The following LIN9 variants were observed in gnomAD, a reference collection of about 807,000 sequenced individuals.
The protein encoded by LIN9 is lin-9 DREAM MuvB core complex component, also known as protein lin-9 homolog.
Under a neutral mutation model 78.0 loss-of-function variants are expected in LIN9, and 18 were observed. The observed-to-expected ratio is 0.23, with a 90% CI of 0.16 to 0.34. LIN9 has a LOEUF of 0.34. Ranked by LOEUF, LIN9 falls within the 10% of genes least tolerant of loss-of-function variation. The pLI, the probability that LIN9 is intolerant of heterozygous loss-of-function variation, is 1.00. For missense variants in LIN9, 451 were observed against 644.1 expected, an observed-to-expected ratio of 0.70 and a Z score of 3.25; for synonymous variants, 192 against 215.2, an observed-to-expected ratio of 0.89 and a Z score of 0.94.
In LIN9 at chr1:226,289,846, TG is replaced by T. The variant is rs1553283370; in HGVS notation, c.265-2050del. On this transcript the variant is annotated intron_variant, in intron 4 of 14. Coordinates refer to ENST00000681046, the MANE Select transcript of LIN9 (RefSeq NM_001366245.2). Reference sequence around the variant, plus strand: ...CTAAGTAGTCCTCCGGGGGGGGGGGTGGGGGGGGGTGGGAAAGCTAGGTTGC... The same window carrying T: ...CTAAGTAGTCCTCCGGGGGGGGGGGTGGGGGGGGTGGGAAAGCTAGGTTGC... Among the ~76,000 whole-genome samples the T allele has an allele frequency of 9.6e-3, 156 of 16,312 alleles. 4 individuals carry two copies. The highest frequency in any genetic ancestry group is 0.029 in the African/African-American group (127 of 4,366). 10.7% of individuals were successfully genotyped at this position (16,312 alleles called of 152,430 possible).
chr1:226,256,317 C>G (rs887825975), intron 10 of LIN9, among the ~76,000 whole-genome samples: 1 of 152,022 alleles, frequency 6.6e-6, no homozygotes, highest in East Asian at 1.9e-4. Flanking sequence ...AGAAACCAGG[C>G]AAGCAAGAGG....
At chr1:226,232,893 T>C in intron 14 of LIN9, 1 of 498,418 alleles carries the variant, frequency 2.0e-6, no homozygotes, top group Non-Finnish European at 3.5e-6. Flanking sequence ...AACCTAAATA[T>C]ATGTCCTGAT....
rs933585875 is a variant in LIN9, at chr1:226,271,973, T to A, written c.683-3883A>T. Among the ~76,000 whole-genome samples the A allele has an allele frequency of 7.1e-4, 108 of 152,248 alleles. 1 individual carries two copies. The highest frequency in any genetic ancestry group is 2.5e-3 in the African/African-American group (104 of 41,536). ...CTTTTTGCTTTCAACCTGTCTATGA[T>A]TTTATATTTAAGTATAACTCTTGAA... On this transcript the variant is annotated intron_variant, in intron 7 of 14. Transcript: ENST00000681046.
At chr1:226,244,402 A>G (rs1272480080) in intron 11 of LIN9, among the ~76,000 whole-genome samples, 1 of 152,110 alleles carries the variant, frequency 6.6e-6, no homozygotes, top group Non-Finnish European at 1.5e-5. Context: ...TCTCCACTCC[A>G]GCCTGGGTGA....
intron 2 of LIN9, among the ~76,000 whole-genome samples, chr1:226,298,849 A>C (rs1662328721): frequency 6.6e-6 from 1 of 152,130 alleles, no homozygotes; most frequent in Non-Finnish European, 1.5e-5. Flanking sequence ...CCGAGATAGC[A>C]CCACTGCACT....
At chr1:226,241,845 G>A (rs571053960) in intron 11 of LIN9, among the ~76,000 whole-genome samples, 2 of 150,960 alleles carry the variant, frequency 1.3e-5, no homozygotes, top group African/African-American at 2.4e-5. Flanking sequence ...GCGACAGAGC[G>A]AGACTCTGTT....
intron 5 of LIN9, 65 bp downstream of exon 5, chr1:226,287,599 A>T: frequency 8.6e-7 from 1 of 1,162,708 alleles, no homozygotes; most frequent in Non-Finnish European, 1.2e-6. Flanking sequence ...GTTGTAGCTT[A>T]AAACACTTGA....
intron 10 of LIN9, among the ~76,000 whole-genome samples, chr1:226,253,926 AAAAG>A (rs1253479989): frequency 1.3e-5 from 2 of 152,168 alleles, no homozygotes; most frequent in African/African-American, 4.8e-5. Context: ...AAAAAGAAAA[AAAAG>A]AAAGAAAGAA....
chr1:226,296,312 A>AT (rs1438577882), intron 3 of LIN9, among the ~76,000 whole-genome samples: 1 of 152,190 alleles, frequency 6.6e-6, no homozygotes, highest in Non-Finnish European at 1.5e-5. Context: ...GTGTGACATG[A>AT]TATGTCTGCT....
In LIN9 at chr1:226,268,081, C is replaced by T. The variant is rs754074436; in HGVS notation, c.692G>A (p.Arg231His). 5 of 1,613,258 alleles carry T rather than the reference C, an allele frequency of 3.1e-6. No homozygotes were observed. Among genetic ancestry groups the T allele is most frequent in the Admixed American group, 1.7e-5 (1 of 59,820 alleles). Reference sequence around the variant, plus strand: ...AGTGAACAAACCATCATGAACACCACGTAATCGTGCTGAGAAAAGAACAAA... The same window carrying T: ...AGTGAACAAACCATCATGAACACCATGTAATCGTGCTGAGAAAAGAACAAA... ...VIGTKVTARL[R>H]GVHDGLFTGQ... Residue 231 changes from arginine to histidine, a missense_variant, in exon 8 of 15, where the codon CGT becomes CAT. Transcript: ENST00000681046.
chr1:226,262,512 GA>G (rs1190568047), intron 10 of LIN9, among the ~76,000 whole-genome samples: 1 of 152,174 alleles, frequency 6.6e-6, no homozygotes, highest in African/African-American at 2.4e-5. Context: ...ACAGATGGCA[GA>G]TAAGCATATG....
chr1:226,302,560 A>AC (rs1209422460), intron 1 of LIN9, among the ~76,000 whole-genome samples: 1 of 152,014 alleles, frequency 6.6e-6, no homozygotes, highest in African/African-American at 2.4e-5. Flanking sequence ...AAAAAAAAAA[A>AC]AAACAAACCA....
chr1:226,288,335 G>A (rs1460541633), intron 4 of LIN9, among the ~76,000 whole-genome samples: 8 of 152,052 alleles, frequency 5.3e-5, no homozygotes, highest in Non-Finnish European at 7.3e-5. Context: ...AACCAGTATC[G>A]TAATATTAAA....
chr1:226,272,803 C>G (rs906381809), intron 7 of LIN9, among the ~76,000 whole-genome samples: 1 of 152,010 alleles, frequency 6.6e-6, no homozygotes, highest in Non-Finnish European at 1.5e-5. Context: ...CTTTTTGACC[C>G]CCACATTCTC....
At chr1:226,285,163 A>G (rs1483760361) in intron 6 of LIN9, among the ~76,000 whole-genome samples, 2 of 152,186 alleles carry the variant, frequency 1.3e-5, no homozygotes, top group African/African-American at 4.8e-5. Context: ...AACTATGACA[A>G]AACAGTAAAT....
chr1:226,239,900 G>A (rs1274222326), intron 11 of LIN9, among the ~76,000 whole-genome samples: 1 of 152,106 alleles, frequency 6.6e-6, no homozygotes, highest in Non-Finnish European at 1.5e-5. Context: ...TCTAGTCAAG[G>A]AAAATTTAAC....
At chr1:226,240,440 G>A (rs1177225951) in intron 11 of LIN9, among the ~76,000 whole-genome samples, 1 of 149,374 alleles carries the variant, frequency 6.7e-6, no homozygotes, top group African/African-American at 2.5e-5. Flanking sequence ...CCAGGCTGGA[G>A]TGCAATGACG....
At chr1:226,275,820 A>G (rs986198570) in intron 7 of LIN9, among the ~76,000 whole-genome samples, 2 of 152,096 alleles carry the variant, frequency 1.3e-5, no homozygotes, top group African/African-American at 4.8e-5. Context: ...TGGGAGTTTG[A>G]GACCAACCAG....
At chr1:226,239,555 T>C (rs1030406201) in intron 11 of LIN9, among the ~76,000 whole-genome samples, 20 of 152,326 alleles carry the variant, frequency 1.3e-4, no homozygotes, top group African/African-American at 4.8e-4. Flanking sequence ...TATGTTCAAA[T>C]TCCACCTCTA....
Sources: gnomAD v4.1 joint callset for allele counts (sites outside exome capture counted in the v4.1 genomes callset) on GRCh38, gnomAD v4.1.1 for gene constraint, MANE v1.5 for transcripts, NCBI Gene and HGNC (gene_info 2026-07-23, HGNC 2026-07-21) for gene names.